Variants in IL2RB observed in about 807,000 individuals in gnomAD.
IL2RB encodes the protein interleukin-2 receptor subunit beta.
A neutral mutation model predicts 44.2 loss-of-function variants in IL2RB; 17 were observed. The ratio of observed to expected loss-of-function variants is 0.38; its 90% CI spans 0.26 to 0.58. The LOEUF is 0.58. Ranked by LOEUF, IL2RB falls within the 20% of genes least tolerant of loss-of-function variation. The pLI is 0.63. For synonymous variants in IL2RB, 286 were observed against 297.9 expected (o/e 0.96, Z 0.41); for missense variants, 624 against 685.5 (o/e 0.91, Z 1.00).
intron 9 of IL2RB, among the ~76,000 whole-genome samples, chr22:37,129,657 C>T (rs1569040394): frequency 6.6e-6 from 1 of 152,210 alleles, no homozygotes; most frequent in Non-Finnish European, 1.5e-5. Context: ...CCACGTCTCT[C>T]CTGACTTCCT....
rs2228143 is a variant in IL2RB, at chr22:37,142,468, G to A, written c.248C>T (p.Ser83Phe). The change falls in exon 4 of 10, where the codon TCC becomes TTC. Residue 83 changes from serine (S) to phenylalanine (F), a missense_variant. This residue lies in a region of IL2RB where 255 missense variants were observed against 339.9 expected (regional missense o/e 0.75). Transcript: ENST00000216223. ...TCCGAGGATCAGGTTGCAGGCCCAG[G>A]ATGCTTGACTCACGGGGAGCAGCTC... ...TCELLPVSQA[S>F]WACNLILGAP... The A allele has an allele frequency of 4.0e-3, 6,473 of 1,614,144 alleles. 208 individuals carry two copies. In the African/African-American group the frequency reaches 0.072, roughly 18 times the overall value.
At chr22:37,168,947 G>A (rs570987355) in intron 1 of IL2RB, among the ~76,000 whole-genome samples, 65 of 152,156 alleles carry the variant, frequency 4.3e-4, no homozygotes, top group African/African-American at 1.6e-3. Flanking sequence ...TTACAGAGGG[G>A]TTATTGCTTA....
chr22:37,139,076 G>A (rs767898168), intron 5 of IL2RB, 41 bp downstream of exon 5: 5 of 1,318,996 alleles, frequency 3.8e-6, no homozygotes, highest in Non-Finnish European at 5.5e-6. Context: ...GGAAGGAGGT[G>A]CCCAGCCCTG....
chr22:37,143,986 T>C, intron 2 of IL2RB, 99 bp downstream of exon 2: 4 of 1,513,566 alleles, frequency 2.6e-6, no homozygotes, highest in Non-Finnish European at 3.6e-6. Flanking sequence ...GGTGGACACC[T>C]GGTCTCTGGC....
In IL2RB at chr22:37,137,612, G is replaced by A. The variant is rs750566804; in HGVS notation, c.512C>T (p.Thr171Met). 61 of 1,614,040 alleles carry A rather than the reference G, an allele frequency of 3.8e-5. No homozygotes were observed. In the Admixed American group the frequency reaches 4.5e-4, roughly 12 times the overall value. The change falls in exon 6 of 10, where the codon ACG becomes ATG. Residue 171 changes from threonine to methionine, a missense_variant. Coordinates refer to ENST00000216223, the MANE Select transcript of IL2RB (RefSeq NM_000878.5). ...CTCCCAGGTGTGGCCTGGGGACAGC[G>A]TCCGGGCCTCGAACTCCAGGTGTCT... ...FERHLEFEAR[T>M]LSPGHTWEEA...
In IL2RB at chr22:37,126,334, A is replaced by G. The variant is rs1259193030; in HGVS notation, c.*1762T>C. 1 of 152,260 alleles carries G rather than the reference A, an allele frequency of 6.6e-6. No homozygotes were observed. Among genetic ancestry groups the G allele is most frequent in the Non-Finnish European group, 1.5e-5 (1 of 68,042 alleles). 9.4% of individuals were successfully genotyped at this position (152,260 alleles called of 1,614,324 possible). On this transcript the variant is annotated 3_prime_UTR_variant, in exon 10 of 10. Transcript: ENST00000216223. Reference sequence around the variant, plus strand: ...AGTTTATTTTGGATATAAAGGCAACAGGAATCCTGACCAAATGGTCAGCAG... The same window carrying G: ...AGTTTATTTTGGATATAAAGGCAACGGGAATCCTGACCAAATGGTCAGCAG...
intron 1 of IL2RB, among the ~76,000 whole-genome samples, chr22:37,147,524 C>T (rs1401830948): frequency 6.6e-6 from 1 of 152,242 alleles, no homozygotes. Context: ...CTAAGCTGCC[C>T]AATGGCTTTA....
At chr22:37,137,472 C>T (rs1176533944) in intron 6 of IL2RB, 115 bp downstream of exon 6, 6 of 1,107,930 alleles carry the variant, frequency 5.4e-6, no homozygotes, top group African/African-American at 1.6e-5. Context: ...CTGGACTCAG[C>T]CACCCACCAT....
intron 1 of IL2RB, among the ~76,000 whole-genome samples, chr22:37,159,295 A>C (rs1406809158): frequency 6.6e-6 from 1 of 152,080 alleles, no homozygotes; most frequent in African/African-American, 2.4e-5. Flanking sequence ...CCCTCTAAGA[A>C]GGTTATGCCT....
At chr22:37,150,935 A>G (rs563057323), upstream of IL2RB, among the ~76,000 whole-genome samples, 34 of 152,320 alleles carry the variant, frequency 2.2e-4, no homozygotes, top group East Asian at 4.8e-3. Context: ...ATAGTACTCC[A>G]TTGCATATAT....
chr22:37,169,963 G>A, intron 1 of IL2RB, among the ~76,000 whole-genome samples: 1 of 152,140 alleles, frequency 6.6e-6, no homozygotes, highest in East Asian at 1.9e-4. Context: ...TGGTTAATGG[G>A]TGAATGGAAA....
At chr22:37,142,804 C>T (rs1922032809) in intron 3 of IL2RB, 3 of 549,824 alleles carry the variant, frequency 5.5e-6, no homozygotes, top group African/African-American at 1.9e-5. Flanking sequence ...TAGAGCCCTC[C>T]AAAGCTCCAT....
intron 3 of IL2RB, among the ~76,000 whole-genome samples, 156 bp downstream of exon 3, chr22:37,143,365 T>C (rs1250897057): frequency 6.6e-6 from 1 of 152,162 alleles, no homozygotes; most frequent in Non-Finnish European, 1.5e-5. Flanking sequence ...GATCCCTTGA[T>C]TCCAGGCCTG....
chr22:37,154,638 C>T (rs573977087), upstream of IL2RB, among the ~76,000 whole-genome samples: 132 of 150,350 alleles, frequency 8.8e-4, 1 homozygote, highest in Middle Eastern at 3.4e-3. Flanking sequence ...TGCAGTGGCG[C>T]GATCTCGGCT....
chr22:37,158,578 C>T (rs1384277953), intron 1 of IL2RB, among the ~76,000 whole-genome samples: 1 of 152,108 alleles, frequency 6.6e-6, no homozygotes, highest in Admixed American at 6.6e-5. Flanking sequence ...GAAGGGGAGG[C>T]TCTCTGGGTC....
At chr22:37,155,673 G>A (rs1309509100) in intron 1 of IL2RB, among the ~76,000 whole-genome samples, 1 of 152,248 alleles carries the variant, frequency 6.6e-6, no homozygotes, top group Non-Finnish European at 1.5e-5. Context: ...ATGTAATCCA[G>A]AAGCTTCTCT....
intron 4 of IL2RB, among the ~76,000 whole-genome samples, chr22:37,140,654 C>G (rs2146240953): frequency 6.9e-6 from 1 of 144,792 alleles, no homozygotes; most frequent in East Asian, 2.1e-4. Flanking sequence ...TTCACACTCT[C>G]CTGCCCCTCA....
At position 37,135,366 on chromosome 22, in the gene IL2RB, T is replaced by A. The variant is rs1412949707; in HGVS notation, c.780A>T (p.Leu260Phe). The A allele has an allele frequency of 6.2e-7, 1 of 1,613,798 alleles. No homozygotes were observed. The highest frequency in any genetic ancestry group is 8.5e-7 in the Non-Finnish European group (1 of 1,179,822). Residue 260 changes from leucine to phenylalanine, a missense_variant, in exon 8 of 10, where the codon TTA (leucine) becomes TTT (phenylalanine). Physicochemically the swap from Leu to Phe is conservative, Grantham distance 22. Coordinates refer to ENST00000216223, the MANE Select transcript of IL2RB (RefSeq NM_000878.5). ...GLSGAFGFII[L>F]VYLLINCRNT... is the part of the protein sequence containing the mutation. The stretch of plus-strand genomic sequence containing the variant: ...TCCTGCAGTTGATCAGCAAGTACAC[T>A]AAGATGATGAAGCCAAAAGCCCCGC...
chr22:37,168,783 T>C (rs6000591), intron 1 of IL2RB, among the ~76,000 whole-genome samples: 9,502 of 152,244 alleles, frequency 0.062, 987 homozygotes, highest in African/African-American at 0.22. Context: ...CTGAAGGCAG[T>C]TGGGGAACAA....
Sources: gnomAD v4.1 joint callset for allele counts (sites outside exome capture counted in the v4.1 genomes callset) on GRCh38, gnomAD v4.1.1 for gene constraint, gnomAD v4.1.1 regional missense constraint, MANE v1.5 for transcripts, NCBI Gene and HGNC (gene_info 2026-07-23, HGNC 2026-07-21) for gene names.